Variants in C1orf141 observed in about 807,000 individuals in gnomAD.
The protein encoded by C1orf141 is uncharacterized protein C1orf141.
C1orf141 carries 19 observed loss-of-function variants against 23.2 expected under a neutral mutation model. The ratio of observed to expected loss-of-function variants is 0.82; its 90% confidence interval spans 0.57 to 1.20. The LOEUF is 1.20. C1orf141 is among the 50% of genes most tolerant of loss of function. The probability of loss-of-function intolerance (pLI) is 0.00; values close to 1 mark genes in which losing one functional copy is unlikely to be tolerated. For missense variants in C1orf141, 469 were observed against 455.1 expected, an observed-to-expected ratio of 1.03 and a Z score of -0.28; for synonymous variants, 153 against 154.6, an observed-to-expected ratio of 0.99 and a Z score of 0.08.
rs188247199 is a variant in C1orf141, at chr1:67,103,454, G to T, written c.347-7133C>A. Reference sequence around the variant, plus strand: ...CCGTGTATATTAATAAATAATTTATGCTTGAGTATTCACATTTGCAATATT... The same window carrying T: ...CCGTGTATATTAATAAATAATTTATTCTTGAGTATTCACATTTGCAATATT... On this transcript the variant is annotated intron_variant, in intron 5 of 7. Transcript: ENST00000684719. 51 of 881,348 alleles carry T rather than the reference G, an allele frequency of 5.8e-5. No individual in the cohort carries two copies. The Admixed American group carries it at 1.5e-3, about 26-fold the overall frequency. 54.6% of individuals were successfully genotyped at this position (881,348 alleles called of 1,614,324 possible).
intron 4 of C1orf141, among the ~76,000 whole-genome samples, chr1:67,124,996 A>G (rs551329535): frequency 6.2e-4 from 94 of 152,328 alleles, no homozygotes; most frequent in African/African-American, 2.1e-3. Flanking sequence ...CTCCTTTACA[A>G]TTCTGATGTG....
chr1:67,099,087 CCAATAATTCTAACTGATAGAAGTGTATTT>C (rs1201396568), intron 5 of C1orf141, among the ~76,000 whole-genome samples: 1 of 152,036 alleles, frequency 6.6e-6, no homozygotes, highest in Non-Finnish European at 1.5e-5. Flanking sequence ...GAGATAATAA[CCAATAATTCTAACTGATAGAAGTGTATTT>C]CAAGGATTGA....
intron 1 of C1orf141, among the ~76,000 whole-genome samples, chr1:67,134,240 G>C (rs1479535708): frequency 6.6e-6 from 1 of 152,184 alleles, no homozygotes; most frequent in Non-Finnish European, 1.5e-5. Context: ...CTGACCTCAA[G>C]TGATCCGCCC....
At chr1:67,125,577 T>C (rs1646390909) in intron 4 of C1orf141, 175 bp downstream of exon 4, 1 of 653,790 alleles carries the variant, frequency 1.5e-6, no homozygotes, top group African/African-American at 1.8e-5. Flanking sequence ...TGCATGCCTG[T>C]AGTCCCAGCT....
At position 67,115,330 on chromosome 1, in the gene C1orf141, A is replaced by ATTACACAAAGC. The variant is rs752539140; in HGVS notation, c.346+21_346+22insGCTTTGTGTAA. The ATTACACAAAGC allele has an allele frequency of 4.5e-4, 390 of 859,814 alleles. 4 individuals are homozygous for ATTACACAAAGC. The East Asian group carries it at 8.6e-3, about 19-fold the overall frequency. The allele number at this position is 859,814 out of a possible 1,614,324, so 53.3% of individuals were successfully genotyped here. A position where few individuals can be genotyped will look rare whatever the true frequency, so the allele number is the denominator to read the frequency against. On this transcript the variant is annotated intron_variant, in intron 5 of 7. Transcript: ENST00000684719. ...CACCCATTAATAAATCAAAGAAGTAAATATGTTACACAAAGCATTACCTGT... is the reference window on the plus strand; with the variant it reads ...CACCCATTAATAAATCAAAGAAGTAATTACACAAAGCATATGTTACACAAAGCATTACCTGT...
In C1orf141 at chr1:67,103,394, GA is replaced by G. The variant is rs549437525; in HGVS notation, c.347-7074del. On this transcript the variant is annotated intron_variant, in intron 5 of 7. Transcript: ENST00000684719. ...CCTGCATTTTCCATCTAAACATCAG[GA>G]AAAATGGAAAATTATCTTAGAAACT... is the stretch of plus-strand genomic sequence containing the variant. 9.7e-5 allele frequency: 131 copies of G among 1,345,012 alleles called. No homozygotes were observed. The African/African-American group carries it at 1.8e-3, about 18-fold the overall frequency. The allele number at this position is 1,345,012 out of a possible 1,614,324, so 83.3% of individuals were successfully genotyped here.
At chr1:67,096,451 A>T (rs115416469) in intron 5 of C1orf141, 130 bp from the exon 6 acceptor site, 1 of 553,154 alleles carries the variant, frequency 1.8e-6, no homozygotes, top group Non-Finnish European at 3.2e-6. Context: ...GGTCTGTAGT[A>T]GCTACCCAGT....
intron 6 of C1orf141, 124 bp downstream of exon 6, chr1:67,096,128 A>G (rs1459398263): frequency 1.7e-6 from 1 of 597,858 alleles, no homozygotes; most frequent in Non-Finnish European, 3.0e-6. Context: ...TGGACCATTC[A>G]TTGGATTGTG....
At chr1:67,098,077 C>A (rs1487101423) in intron 5 of C1orf141, among the ~76,000 whole-genome samples, 1 of 152,180 alleles carries the variant, frequency 6.6e-6, no homozygotes, top group Non-Finnish European at 1.5e-5. Flanking sequence ...GTCACCCTGG[C>A]AGACGAATTC....
intron 5 of C1orf141, among the ~76,000 whole-genome samples, chr1:67,098,702 AAC>A (rs771580738): frequency 7.9e-5 from 12 of 152,334 alleles, no homozygotes; most frequent in South Asian, 2.1e-4. Flanking sequence ...TAGTTTAATT[AAC>A]AGTGTCAATT....
chr1:67,127,116 A>C (rs760295916), intron 3 of C1orf141, 50 bp downstream of exon 3: 1 of 1,232,112 alleles, frequency 8.1e-7, no homozygotes, highest in Admixed American at 2.2e-5. Flanking sequence ...CACATTTGAA[A>C]TGTTAACCTG....
intron 5 of C1orf141, among the ~76,000 whole-genome samples, chr1:67,098,644 A>G (rs1021522576): frequency 3.3e-5 from 5 of 152,224 alleles, no homozygotes; most frequent in South Asian, 2.1e-4. Context: ...AACCTTTGCC[A>G]TCTTAAGATA....
At chr1:67,115,663 G>A (rs1458214743) in intron 4 of C1orf141, among the ~76,000 whole-genome samples, 199 bp from the exon 5 acceptor site, 1 of 152,120 alleles carries the variant, frequency 6.6e-6, no homozygotes, top group African/African-American at 2.4e-5. Context: ...TTAAAGTGGA[G>A]GGGGACAGAA....
chr1:67,109,326 C>CAAAAAAAAA lies in C1orf141; in HGVS notation c.346+6017_346+6025dup, dbSNP rs58157985. On this transcript the variant is annotated intron_variant, in intron 5 of 7. Transcript: ENST00000684719. ...TGGGCGACAGAGCGAGACTCCGTCT[C>CAAAAAAAAA]AAAAAAAAAAAAAAAAAAAAAAAAA... 5.2e-4 allele frequency among the ~76,000 whole-genome samples: 43 copies of CAAAAAAAAA among 83,408 alleles called. 2 individuals carry two copies. Among genetic ancestry groups the CAAAAAAAAA allele is most frequent in the African/African-American group, 2.1e-3 (43 of 20,302 alleles). The allele number at this position is 83,408 out of a possible 152,430, so 54.7% of individuals were successfully genotyped here.
In C1orf141 at chr1:67,128,283, C is replaced by T. The variant is rs1049527112; in HGVS notation, c.-17-1026G>A. On this transcript the variant is annotated intron_variant, in intron 2 of 7. Coordinates refer to ENST00000684719, the MANE Select transcript of C1orf141 (RefSeq NM_001276351.2). Reference sequence around the variant, plus strand: ...GAGAAAACTGAAGGCCACAGAGTACCCTATTAGTGTAATAGAAATAGCTAG... The same window carrying T: ...GAGAAAACTGAAGGCCACAGAGTACTCTATTAGTGTAATAGAAATAGCTAG... Among the ~76,000 whole-genome samples, 3 of 151,966 alleles carry T rather than the reference C, an allele frequency of 2.0e-5. No individual in the cohort carries two copies. The East Asian group carries it at 5.8e-4, about 29-fold the overall frequency.
intron 6 of C1orf141, chr1:67,095,857 T>C (rs56155188): frequency 0.081 from 14,497 of 178,180 alleles, 1,029 homozygotes; most frequent in African/African-American, 0.21. Context: ...CCTAAAGTGC[T>C]TGTTCATTAT....
At chr1:67,131,656 C>G (rs960547678) in intron 1 of C1orf141, among the ~76,000 whole-genome samples, 2 of 152,120 alleles carry the variant, frequency 1.3e-5, no homozygotes, top group East Asian at 3.8e-4. Context: ...CTCTTACTTC[C>G]TGGACACGTC....
intron 1 of C1orf141, among the ~76,000 whole-genome samples, chr1:67,134,085 C>G (rs1646557093): frequency 6.6e-6 from 1 of 152,190 alleles, no homozygotes; most frequent in Non-Finnish European, 1.5e-5. Flanking sequence ...CTCACTACAA[C>G]CTCCGCCTCC....
rs145606616 is a variant in C1orf141 at position 67,096,304 on chromosome 1, GT to G, written c.363del (p.Lys121AsnfsTer12). 43 of 1,519,886 alleles carry G rather than the reference GT, an allele frequency of 2.8e-5. No homozygotes were observed. Among genetic ancestry groups the G allele is most frequent in the Non-Finnish European group, 3.4e-5 (38 of 1,119,004 alleles). 94.1% of individuals were successfully genotyped at this position (1,519,886 alleles called of 1,614,324 possible). On this transcript the variant is annotated frameshift_variant, in exon 6 of 8. Coordinates refer to ENST00000684719, the MANE Select transcript of C1orf141 (RefSeq NM_001276351.2). LOFTEE classifies it high-confidence loss of function. ...ESESTAQIEKKPRKPLDSVGL... is the reference protein window; with the variant it reads ...ESESTAQIEKXPRKPLDSVGL... ...CCAACAGAATCCAATGGTTTCCTAG[GT>G]TTTTTTTCAATTTGAGCTGAAATTT... is the stretch of plus-strand genomic sequence containing the variant.
Sources: allele counts gnomAD v4.1 joint callset (sites outside exome capture counted in the v4.1 genomes callset), GRCh38; gene constraint gnomAD v4.1.1; transcripts MANE v1.5; gene names NCBI Gene and HGNC (gene_info 2026-07-23, HGNC 2026-07-21).